HTR1F: variants seen among roughly 807,000 people sequenced by gnomAD.
The protein encoded by HTR1F is 5-hydroxytryptamine receptor 1F, also known as 5-hydroxytryptamine (serotonin) receptor 1F, G protein-coupled.
In HTR1F, 17 loss-of-function variants were observed where a neutral mutation model predicts 24.0. That is an observed-to-expected ratio of 0.71 (90% CI 0.48 to 1.06). The LOEUF (loss-of-function observed/expected upper bound fraction) is 1.06, where lower values mean the gene tolerates loss of function less well. Ranked by LOEUF, HTR1F falls within the 50% of genes least tolerant of loss-of-function variation. HTR1F has a pLI of 0.00. For missense variants in HTR1F, 391 were observed against 427.8 expected, an observed-to-expected ratio of 0.91 and a Z score of 0.76; for synonymous variants, 186 against 156.8, an observed-to-expected ratio of 1.19 and a Z score of -1.39.
intron 2 of HTR1F, among the ~76,000 whole-genome samples, chr3:87,932,391 T>C (rs1704300300): frequency 6.6e-6 from 1 of 152,142 alleles, no homozygotes; most frequent in Admixed American, 6.6e-5. Flanking sequence ...TCCATTCTGT[T>C]CCATTGATCT....
chr3:87,907,163 G>A (rs1290407961), intron 2 of HTR1F, among the ~76,000 whole-genome samples: 3 of 151,094 alleles, frequency 2.0e-5, no homozygotes, highest in Non-Finnish European at 2.9e-5. Context: ...ACATGTAAAA[G>A]TGTTCCCTTT....
At position 87,991,600 on chromosome 3, in the gene HTR1F, C is replaced by A; in HGVS notation, c.851C>A (p.Ser284Ter). Residue 284 changes from serine to a stop codon, truncating the protein, a stop_gained, in exon 3 of 3, where the codon TCA becomes TAA. Transcript: ENST00000319595. LOFTEE classifies it high-confidence loss of function. ...AAATCTTGGAGAAGGCAAAAGATCT[C>A]AGGTACAAGAGAACGGAAAGCAGCC... ...HEKSWRRQKISGTRERKAATT... is the reference protein window; with the variant it reads ...HEKSWRRQKI 1 of 1,614,002 alleles carries A rather than the reference C, an allele frequency of 6.2e-7. No individual in the cohort carries two copies. Among genetic ancestry groups the A allele is most frequent in the South Asian group, 1.1e-5 (1 of 91,068 alleles).
chr3:87,914,562 A>G (rs1703850305), intron 2 of HTR1F, among the ~76,000 whole-genome samples: 1 of 151,992 alleles, frequency 6.6e-6, no homozygotes. Flanking sequence ...GAGGCCTGTA[A>G]CTGCCAGCTT....
At chr3:87,967,831 C>T (rs866259866) in intron 2 of HTR1F, among the ~76,000 whole-genome samples, 5 of 152,048 alleles carry the variant, frequency 3.3e-5, no homozygotes, top group Admixed American at 6.5e-5. Context: ...ATCAGCAGCA[C>T]GAGAACAGAC....
chr3:87,903,506 C>A (rs1345991041), intron 2 of HTR1F, among the ~76,000 whole-genome samples: 3 of 150,946 alleles, frequency 2.0e-5, no homozygotes, highest in Non-Finnish European at 4.4e-5. Context: ...TTTATGCAGC[C>A]AAAAAACACA....
chr3:87,813,495 G>A (rs1704195405), intron 1 of HTR1F, among the ~76,000 whole-genome samples: 1 of 152,160 alleles, frequency 6.6e-6, no homozygotes, highest in Non-Finnish European at 1.5e-5. Context: ...TGAGACTTTG[G>A]ACTGTGGACT....
At position 87,993,671 on chromosome 3, in the gene HTR1F, T is replaced by A. The variant is rs1705885780; in HGVS notation, c.*1821T>A. On this transcript the variant is annotated 3_prime_UTR_variant, in exon 3 of 3. Coordinates refer to ENST00000319595, the MANE Select transcript of HTR1F (RefSeq NM_001322209.2). ...TAAATAGCAATGAGTTTGGCAACTA[T>A]TTAGAGCAATAGAGGAAAAGGATAT... The A allele has an allele frequency of 6.0e-6, 1 of 167,056 alleles. No homozygotes were observed. Among genetic ancestry groups the A allele is most frequent in the Non-Finnish European group, 1.5e-5 (1 of 68,114 alleles). The allele number at this position is 167,056 out of a possible 1,614,324, so 10.3% of individuals were successfully genotyped here.
intron 2 of HTR1F, among the ~76,000 whole-genome samples, chr3:87,909,825 C>A (rs1287355298): frequency 1.3e-5 from 2 of 151,922 alleles, no homozygotes; most frequent in Non-Finnish European, 2.9e-5. Context: ...GCTGATGCTC[C>A]AGCCATTACA....
chr3:87,810,028 A>G (rs1340267933), intron 1 of HTR1F, among the ~76,000 whole-genome samples: 7 of 151,884 alleles, frequency 4.6e-5, no homozygotes, highest in Non-Finnish European at 2.9e-5. Flanking sequence ...ATCAGGTTCC[A>G]TTTTACCTGA....
intron 2 of HTR1F, among the ~76,000 whole-genome samples, chr3:87,823,728 C>T (rs945975589): frequency 7.2e-5 from 11 of 152,006 alleles, no homozygotes; most frequent in African/African-American, 1.7e-4. Flanking sequence ...ATCCATCCTC[C>T]TCAGCCTCCC....
At chr3:87,982,133 G>A (rs942171191) in intron 2 of HTR1F, among the ~76,000 whole-genome samples, 5 of 152,042 alleles carry the variant, frequency 3.3e-5, no homozygotes, top group Non-Finnish European at 7.4e-5. Context: ...TTTTTGACCA[G>A]ACGGGTCTCA....
intron 2 of HTR1F, among the ~76,000 whole-genome samples, chr3:87,909,631 TA>T (rs771443364): frequency 1.6e-4 from 24 of 151,954 alleles, no homozygotes; most frequent in Non-Finnish European, 3.2e-4. Context: ...AAAACAGAAA[TA>T]AAAAATAAGA....
intron 2 of HTR1F, among the ~76,000 whole-genome samples, chr3:87,844,138 C>T (rs1346533097): frequency 2.0e-5 from 3 of 151,584 alleles, no homozygotes; most frequent in Non-Finnish European, 4.4e-5. Context: ...GTTTACAGTC[C>T]CACCAACAGT....
At chr3:87,925,268 G>C (rs1467443283) in intron 2 of HTR1F, among the ~76,000 whole-genome samples, 1 of 152,126 alleles carries the variant, frequency 6.6e-6, no homozygotes, top group Non-Finnish European at 1.5e-5. Context: ...ATGCTGGGCA[G>C]AACAGTCCTT....
chr3:87,939,943 T>C (rs1368783108), intron 2 of HTR1F, among the ~76,000 whole-genome samples: 1 of 152,232 alleles, frequency 6.6e-6, no homozygotes, highest in African/African-American at 2.4e-5. Context: ...CTAGTTCTTT[T>C]AATTGTAATG....
At chr3:87,921,617 T>C (rs1225289382) in intron 2 of HTR1F, among the ~76,000 whole-genome samples, 1 of 151,906 alleles carries the variant, frequency 6.6e-6, no homozygotes, top group Non-Finnish European at 1.5e-5. Context: ...TTTAAAACTA[T>C]ATAATAAGTA....
intron 1 of HTR1F, among the ~76,000 whole-genome samples, chr3:87,794,904 A>G (rs1487237509): frequency 6.6e-6 from 1 of 151,032 alleles, no homozygotes; most frequent in Non-Finnish European, 1.5e-5. Context: ...TTATACACAT[A>G]CTTTTCTTAG....
At chr3:87,816,426 TAA>T (rs1293432818) in intron 1 of HTR1F, among the ~76,000 whole-genome samples, 1 of 152,028 alleles carries the variant, frequency 6.6e-6, no homozygotes, top group East Asian at 1.9e-4. Context: ...AGCAAATGGG[TAA>T]AAGAGTAAAA....
chr3:87,984,025 T>C (rs917792128), intron 2 of HTR1F, among the ~76,000 whole-genome samples: 1 of 152,198 alleles, frequency 6.6e-6, no homozygotes. Context: ...GTCCTTACCA[T>C]GGCATGCAAG....
Sources: allele counts gnomAD v4.1 joint callset (sites outside exome capture counted in the v4.1 genomes callset), GRCh38; gene constraint gnomAD v4.1.1; transcripts MANE v1.5; gene names NCBI Gene and HGNC (gene_info 2026-07-23, HGNC 2026-07-21).